EPHA8: variants seen among roughly 807,000 people sequenced by gnomAD.
EPHA8 encodes the protein EPH receptor A8.
EPHA8 carries 58 observed loss-of-function variants against 103.6 expected under a neutral mutation model. The observed-to-expected ratio is 0.56, with a 90% CI of 0.45 to 0.70. EPHA8 has a LOEUF of 0.70. EPHA8 is among the 30% of genes least tolerant of loss of function. The pLI, the probability that EPHA8 is intolerant of heterozygous loss-of-function variation, is 0.00. For synonymous variants in EPHA8, 559 were observed against 572.5 expected (o/e 0.98, Z 0.34); for missense variants, 1,304 against 1,395.2 (o/e 0.93, Z 1.04).
At position 22,593,577 on chromosome 1, in the gene EPHA8, C is replaced by T. The variant is rs771104581; in HGVS notation, c.1494C>T (p.Thr498=). The T allele has an allele frequency of 4.9e-5, 79 of 1,612,096 alleles. 1 individual carries two copies. The South Asian group carries it at 6.9e-4, about 14-fold the overall frequency. The change falls in exon 7 of 17, where the codon ACC becomes ACT. Residue 498 remains threonine, a synonymous_variant. Coordinates refer to ENST00000166244, the MANE Select transcript of EPHA8 (RefSeq NM_020526.5). ...STLKAVTTRA[T]VSGLKPGTRY... Reference sequence around the variant, plus strand: ...TCAAGGCCGTCACCACCAGAGCCACCGTCTCCGGCCTCAAGCCGGGCACCC... The same window carrying T: ...TCAAGGCCGTCACCACCAGAGCCACTGTCTCCGGCCTCAAGCCGGGCACCC...
At chr1:22,564,131 G>A (rs1327960141) in intron 1 of EPHA8, among the ~76,000 whole-genome samples, 2 of 151,430 alleles carry the variant, frequency 1.3e-5, no homozygotes, top group African/African-American at 4.9e-5. Context: ...CAGAGGACAG[G>A]GGGGTAGGCA....
At chr1:22,578,591 GTGTGTGCA>G (rs1362727516) in intron 3 of EPHA8, among the ~76,000 whole-genome samples, 8 of 142,978 alleles carry the variant, frequency 5.6e-5, no homozygotes, top group Non-Finnish European at 7.6e-5. Flanking sequence ...GCATGAATGC[GTGTGTGCA>G]TGTGTGCATG....
At chr1:22,586,783 G>GGGC in intron 4 of EPHA8, 148 bp downstream of exon 4, 2 of 1,016,272 alleles carry the variant, frequency 2.0e-6, no homozygotes, top group African/African-American at 1.6e-5. Flanking sequence ...TCTGAGGTGG[G>GGGC]GGGGGTGACT....
chr1:22,601,789 T>C lies in EPHA8; in HGVS notation c.*48T>C. 6.6e-7 allele frequency: 1 copy of C among 1,522,032 alleles called. No individual in the cohort carries two copies. Among genetic ancestry groups the C allele is most frequent in the Non-Finnish European group, 8.9e-7 (1 of 1,126,258 alleles). The allele number at this position is 1,522,032 out of a possible 1,614,324, so 94.3% of individuals were successfully genotyped here. A position where few individuals can be genotyped will look rare whatever the true frequency, so the allele number is the denominator to read the frequency against. On this transcript the variant is annotated 3_prime_UTR_variant, in exon 17 of 17. Coordinates refer to ENST00000166244, the MANE Select transcript of EPHA8 (RefSeq NM_020526.5). The stretch of plus-strand genomic sequence containing the variant: ...CAGCCACCAAGCCCACCCCAGGTCA[T>C]GCCAGCGGCAGAGGACGTGAGGGGC...
At position 22,601,089 on chromosome 1, in the gene EPHA8, G is replaced by T. The variant is rs759159367; in HGVS notation, c.2729+1G>T. Reference sequence around the variant, plus strand: ...TCAGGGCCACCGCCACAGTCAGCAGGTGCCTTGTGCCCACCCCAGCTCCTT... The same window carrying T: ...TCAGGGCCACCGCCACAGTCAGCAGTTGCCTTGTGCCCACCCCAGCTCCTT... On this transcript the variant is annotated splice_donor_variant, in intron 15 of 16. Transcript: ENST00000166244. LOFTEE classifies it high-confidence loss of function. 6.2e-7 allele frequency: 1 copy of T among 1,600,866 alleles called. No homozygotes were observed. The highest frequency in any genetic ancestry group is 8.5e-7 in the Non-Finnish European group (1 of 1,173,552).
At chr1:22,578,344 G>A (rs1446591006) in intron 3 of EPHA8, among the ~76,000 whole-genome samples, 2 of 150,756 alleles carry the variant, frequency 1.3e-5, no homozygotes, top group Admixed American at 6.6e-5. Context: ...GTGTATGCAT[G>A]TGTGTATGTG....
chr1:22,586,779 GT>G, intron 4 of EPHA8, 144 bp downstream of exon 4: 1 of 1,014,528 alleles, frequency 9.9e-7, no homozygotes, highest in Non-Finnish European at 1.4e-6. Flanking sequence ...CCAGTCTGAG[GT>G]GGGGGGGGTG....
chr1:22,582,556 G>A (rs979161285), intron 3 of EPHA8, among the ~76,000 whole-genome samples: 1 of 152,230 alleles, frequency 6.6e-6, no homozygotes, highest in African/African-American at 2.4e-5. Context: ...TCAGAGCCAT[G>A]TGGGGTTCGT....
At chr1:22,586,358 A>G in intron 3 of EPHA8, 122 bp from the exon 4 acceptor site, 1 of 1,178,596 alleles carries the variant, frequency 8.5e-7, no homozygotes, top group Non-Finnish European at 1.2e-6. Flanking sequence ...GGCAGTGTGA[A>G]GGTCTGCACC....
At position 22,593,457 on chromosome 1, in the gene EPHA8, C is replaced by G. The variant is rs199607831; in HGVS notation, c.1440+7C>G. On this transcript the variant is annotated splice_region_variant and intron_variant, in intron 6 of 16. Transcript: ENST00000166244. ...GATCAAGTACTACGAGAAGGTACCA[C>G]GGGCAGGACGGAGTGGGAGGGGCTG... 1.2e-6 allele frequency: 2 copies of G among 1,610,202 alleles called. No homozygotes were observed. Among genetic ancestry groups the G allele is most frequent in the South Asian group, 2.2e-5 (2 of 90,740 alleles).
intron 3 of EPHA8, among the ~76,000 whole-genome samples, chr1:22,578,171 TGTGCATGTGTGTGC>T (rs1225523794): frequency 1.2e-3 from 101 of 85,480 alleles, no homozygotes; most frequent in South Asian, 4.8e-3. Flanking sequence ...TGAGTGTATG[TGTGCATGTGTGTGC>T]GTGCATGTGT....
chr1:22,579,823 G>C (rs1011484363), intron 3 of EPHA8, among the ~76,000 whole-genome samples: 1 of 152,212 alleles, frequency 6.6e-6, no homozygotes, highest in Non-Finnish European at 1.5e-5. Context: ...CGGGGCCCTT[G>C]TCAGCTGCTG....
At chr1:22,592,843 AG>A (rs1273812494) in intron 5 of EPHA8, among the ~76,000 whole-genome samples, 9 of 5,466 alleles carry the variant, frequency 1.6e-3, no homozygotes, top group Non-Finnish European at 3.6e-4. Flanking sequence ...GCCGTCAAGG[AG>A]GGAGGGGTGG....
intron 3 of EPHA8, among the ~76,000 whole-genome samples, chr1:22,577,896 CATGT>C (rs1640767034): frequency 1.5e-5 from 1 of 66,290 alleles, no homozygotes; most frequent in African/African-American, 6.4e-5. Flanking sequence ...TGAGTGTGTG[CATGT>C]GTGTGTATGT....
At chr1:22,571,854 T>C (rs1002428413) in intron 2 of EPHA8, among the ~76,000 whole-genome samples, 3 of 151,928 alleles carry the variant, frequency 2.0e-5, no homozygotes, top group African/African-American at 7.3e-5. Context: ...CTGGGCAACA[T>C]AGTGAGACCC....
rs1028825231 is a variant in EPHA8, at chr1:22,602,501, G to C, written c.*760G>C. 6.5e-6 allele frequency: 1 copy of C among 153,122 alleles called. No individual in the cohort carries two copies. The allele number at this position is 153,122 out of a possible 1,614,324, so 9.5% of individuals were successfully genotyped here. A position where few individuals can be genotyped will look rare whatever the true frequency, so the allele number is the denominator to read the frequency against. On this transcript the variant is annotated 3_prime_UTR_variant, in exon 17 of 17. Coordinates refer to ENST00000166244, the MANE Select transcript of EPHA8 (RefSeq NM_020526.5). Reference sequence around the variant, plus strand: ...GCTTCAACAGGAAAACAGGGTTCCCGGTCAGTCCGGCTGGCCGCCTTCATG... The same window carrying C: ...GCTTCAACAGGAAAACAGGGTTCCCCGTCAGTCCGGCTGGCCGCCTTCATG...
In EPHA8 at chr1:22,593,663, T is replaced by C. The variant is rs776953716; in HGVS notation, c.1580T>C (p.Met527Thr). The part of the protein sequence containing the change: ...SAGCGRFSQA[M>T]EVETGKPRPR... ...GGCTGTGGCCGCTTCAGCCAGGCCA[T>C]GGAGGTGGAGACCGGGAAACCCCGT... is the stretch of plus-strand genomic sequence containing the variant. The change falls in exon 7 of 17, where the codon ATG becomes ACG. Residue 527 changes from methionine to threonine, a missense_variant. Met to Thr is a moderately conservative substitution (Grantham distance 81, BLOSUM62 -1). Coordinates refer to ENST00000166244, the MANE Select transcript of EPHA8 (RefSeq NM_020526.5). 2 of 1,601,740 alleles carry C rather than the reference T, an allele frequency of 1.2e-6. No individual in the cohort carries two copies. Among genetic ancestry groups the C allele is most frequent in the Non-Finnish European group, 1.7e-6 (2 of 1,174,420 alleles).
At position 22,601,747 on chromosome 1, in the gene EPHA8, A is replaced by G; in HGVS notation, c.*6A>G. 1 of 1,554,278 alleles carries G rather than the reference A, an allele frequency of 6.4e-7. No individual in the cohort carries two copies. Among genetic ancestry groups the G allele is most frequent in the Non-Finnish European group, 8.7e-7 (1 of 1,149,394 alleles). On this transcript the variant is annotated 3_prime_UTR_variant, in exon 17 of 17. Coordinates refer to ENST00000166244, the MANE Select transcript of EPHA8 (RefSeq NM_020526.5). ...GGCCCCGCCGGCACCTCTGATGTAC[A>G]GCCAGCAGGGCCCAGGCAGCCACCA...
In EPHA8 at chr1:22,578,590, CGT is replaced by C. The variant is rs1366853457; in HGVS notation, c.823+1716_823+1717del. Among the ~76,000 whole-genome samples the C allele has an allele frequency of 7.6e-5, 9 of 118,420 alleles. No homozygotes were observed. The East Asian group carries it at 9.1e-4, about 12-fold the overall frequency. 77.7% of individuals were successfully genotyped at this position (118,420 alleles called of 152,430 possible). On this transcript the variant is annotated intron_variant, in intron 3 of 16. Transcript: ENST00000166244. ...TAGTGTCTGCATGTGTGCATGAATG[CGT>C]GTGTGCATGTGTGCATGAGTGTATG...
Sources: gnomAD v4.1 joint callset for allele counts (sites outside exome capture counted in the v4.1 genomes callset) on GRCh38, gnomAD v4.1.1 for gene constraint, MANE v1.5 for transcripts, NCBI Gene and HGNC (gene_info 2026-07-23, HGNC 2026-07-21) for gene names.